Variants in ACER3 observed in about 807,000 individuals in gnomAD.
The protein encoded by ACER3 is alkCDase 3.
Under a neutral mutation model 48.9 loss-of-function variants are expected in ACER3, and 16 were observed. The ratio of observed to expected loss-of-function variants is 0.33; its 90% CI spans 0.22 to 0.50. The LOEUF is 0.50. Among genes scored for constraint, ACER3 ranks in the 20% least tolerant of loss-of-function variants. The pLI is 0.98. For missense variants in ACER3, 227 were observed against 326.0 expected (o/e 0.70, Z 2.34); for synonymous variants, 109 against 107.8 (o/e 1.01, Z -0.07).
chr11:76,918,420 G>T (rs570319725), intron 1 of ACER3, among the ~76,000 whole-genome samples: 2 of 152,104 alleles, frequency 1.3e-5, no homozygotes, highest in Admixed American at 1.3e-4. Context: ...GCCTGGATTA[G>T]AAGACAAACC....
chr11:76,874,659 A>G (rs867055303), intron 1 of ACER3, among the ~76,000 whole-genome samples: 11 of 152,214 alleles, frequency 7.2e-5, no homozygotes, highest in Admixed American at 3.9e-4. Flanking sequence ...TGCAAAAGCT[A>G]AGGTTTCCAG....
intron 2 of ACER3, among the ~76,000 whole-genome samples, chr11:76,950,338 G>A (rs1263728205): frequency 8.2e-5 from 9 of 110,348 alleles, no homozygotes; most frequent in Non-Finnish European, 1.3e-4. Context: ...TTTTAAACAG[G>A]AGAGTGACAT....
intron 1 of ACER3, among the ~76,000 whole-genome samples, chr11:76,915,809 G>A (rs942590978): frequency 6.6e-6 from 1 of 152,216 alleles, no homozygotes; most frequent in African/African-American, 2.4e-5. Context: ...AGGAGAGTGT[G>A]TGCAAGCACA....
rs1473734072 is a variant in ACER3 at position 76,976,337 on chromosome 11, T to A, written c.316T>A (p.Cys106Ser). Residue 106 changes from cysteine (C) to serine (S), a missense_variant, in exon 4 of 11, where the codon TGC becomes AGC. Coordinates refer to ENST00000532485, the MANE Select transcript of ACER3 (RefSeq NM_018367.7). ...ATACAGCTGTTGCATATTTGTGTAC[T>A]GCATGTAAGTACTTTTAAAATTTCA... ...MIYSCCIFVYCMFECFKIKNS... is the reference protein window; with the variant it reads ...MIYSCCIFVYSMFECFKIKNS... 5 of 1,590,910 alleles carry A rather than the reference T, an allele frequency of 3.1e-6. No individual in the cohort carries two copies. The highest frequency in any genetic ancestry group is 4.3e-6 in the Non-Finnish European group (5 of 1,164,778).
At chr11:76,933,596 G>A (rs1444722225) in intron 2 of ACER3, among the ~76,000 whole-genome samples, 1 of 151,872 alleles carries the variant, frequency 6.6e-6, no homozygotes, top group African/African-American at 2.4e-5. Flanking sequence ...CACAGGGTTG[G>A]GGGTAAGGTC....
chr11:76,864,238 A>G (rs1945016099), intron 1 of ACER3, among the ~76,000 whole-genome samples: 1 of 152,226 alleles, frequency 6.6e-6, no homozygotes, highest in Admixed American at 6.5e-5. Flanking sequence ...TCATTGTGAA[A>G]TAATAAGCCC....
chr11:76,971,482 G>GT (rs1948302126), intron 3 of ACER3, among the ~76,000 whole-genome samples: 2 of 151,894 alleles, frequency 1.3e-5, no homozygotes, highest in Non-Finnish European at 2.9e-5. Flanking sequence ...AGAGGTTGCA[G>GT]TGAGCCAAGA....
chr11:76,879,660 T>C (rs1156422562), intron 1 of ACER3, among the ~76,000 whole-genome samples: 2 of 152,228 alleles, frequency 1.3e-5, no homozygotes, highest in East Asian at 3.8e-4. Flanking sequence ...CAAATATTAT[T>C]CTATATCAAA....
intron 7 of ACER3, among the ~76,000 whole-genome samples, chr11:77,007,172 A>G (rs1555021216): frequency 6.6e-6 from 1 of 151,594 alleles, no homozygotes; most frequent in African/African-American, 2.4e-5. Flanking sequence ...AGCTTCTTGA[A>G]TCTGTGTGTT....
At chr11:76,885,634 G>T (rs1023797403) in intron 1 of ACER3, among the ~76,000 whole-genome samples, 3 of 152,110 alleles carry the variant, frequency 2.0e-5, no homozygotes, top group Non-Finnish European at 2.9e-5. Context: ...CTTAGGCTTG[G>T]CTAGTTTTGA....
intron 1 of ACER3, among the ~76,000 whole-genome samples, chr11:76,863,364 A>T (rs973891114): frequency 6.6e-6 from 1 of 152,196 alleles, no homozygotes; most frequent in African/African-American, 2.4e-5. Context: ...TCAGAAGAGG[A>T]AACTCTGAGC....
rs1555000053 is a variant in ACER3 at position 76,917,872 on chromosome 11, A to AG, written c.104-8685_104-8684insG. Among the ~76,000 whole-genome samples the AG allele has an allele frequency of 4.8e-4, 72 of 149,898 alleles. 1 individual carries two copies. The highest frequency in any genetic ancestry group is 1.7e-3 in the African/African-American group (68 of 40,632). On this transcript the variant is annotated intron_variant, in intron 1 of 10. Transcript: ENST00000532485. ...GAGACCCTGTCTCAAAAAAAAAAAA[A>AG]AAAGAAAGAAAAGAAAAGAAAATAG...
intron 1 of ACER3, 88 bp downstream of exon 1, chr11:76,861,167 C>T (rs1182845733): frequency 1.5e-6 from 2 of 1,309,200 alleles, no homozygotes; most frequent in Non-Finnish European, 2.1e-6. Flanking sequence ...CGAACCTGGC[C>T]GCGAAGGGAG....
chr11:76,910,061 G>T (rs2134717123), intron 1 of ACER3, among the ~76,000 whole-genome samples: 1 of 142,096 alleles, frequency 7.0e-6, no homozygotes, highest in Non-Finnish European at 1.5e-5. Flanking sequence ...ATAAGTGAGA[G>T]TTGAACAATG....
intron 1 of ACER3, among the ~76,000 whole-genome samples, chr11:76,897,288 A>G (rs1426419026): frequency 6.6e-6 from 1 of 152,108 alleles, no homozygotes; most frequent in Non-Finnish European, 1.5e-5. Context: ...CTTTCTAGAT[A>G]ATTGTGGATG....
intron 2 of ACER3, among the ~76,000 whole-genome samples, chr11:76,928,449 G>A (rs1946897497): frequency 6.6e-6 from 1 of 152,166 alleles, no homozygotes; most frequent in African/African-American, 2.4e-5. Flanking sequence ...TTGCTGTGCA[G>A]AAGCTCTTTA....
At chr11:77,019,811 G>T (rs1555024055) in intron 10 of ACER3, 35 bp downstream of exon 10, 1 of 1,604,714 alleles carries the variant, frequency 6.2e-7, no homozygotes, top group Non-Finnish European at 8.5e-7. Flanking sequence ...GTGTGTGTTG[G>T]GGGTATGGTA....
At chr11:77,013,888 G>C (rs1013499702) in intron 7 of ACER3, among the ~76,000 whole-genome samples, 1 of 152,122 alleles carries the variant, frequency 6.6e-6, no homozygotes, top group South Asian at 2.1e-4. Context: ...CAACAATAAA[G>C]GGAAATGAAG....
chr11:76,958,135 G>A (rs966669695), intron 2 of ACER3, among the ~76,000 whole-genome samples: 14 of 147,418 alleles, frequency 9.5e-5, no homozygotes, highest in African/African-American at 3.2e-4. Flanking sequence ...TTCCCAGTCT[G>A]TAACAGATAT....
Sources: allele counts gnomAD v4.1 joint callset (sites outside exome capture counted in the v4.1 genomes callset), GRCh38; gene constraint gnomAD v4.1.1; transcripts MANE v1.5; gene names NCBI Gene and HGNC (gene_info 2026-07-23, HGNC 2026-07-21).